The following ACACB variants were observed in gnomAD, a reference collection of about 807,000 sequenced individuals.
ACACB encodes the protein acetyl-CoA carboxylase 2.
ACACB carries 209 observed loss-of-function variants against 278.8 expected under a neutral mutation model. The observed-to-expected ratio is 0.75, with a 90% confidence interval of 0.67 to 0.84. The LOEUF (loss-of-function observed/expected upper bound fraction) is 0.84, where lower values mean the gene tolerates loss of function less well. ACACB is among the 40% of genes least tolerant of loss of function. The pLI is 0.00. For synonymous variants in ACACB, 1,174 were observed against 1,285.6 expected (o/e 0.91, Z 1.86); for missense variants, 2,850 against 3,269.0 (o/e 0.87, Z 3.13).
intron 1 of ACACB, among the ~76,000 whole-genome samples, chr12:109,137,112 C>T (rs762838120): frequency 8.6e-5 from 13 of 151,842 alleles, no homozygotes; most frequent in Non-Finnish European, 1.6e-4. Context: ...GTTTTTTTCC[C>T]TTTGTTCCAT....
At chr12:109,163,337 T>C (rs914883616) in intron 2 of ACACB, among the ~76,000 whole-genome samples, 1 of 152,168 alleles carries the variant, frequency 6.6e-6, no homozygotes, top group Non-Finnish European at 1.5e-5. Flanking sequence ...CTCATTAATA[T>C]CATCGTTGAG....
chr12:109,242,413 T>A (rs2046824833), intron 36 of ACACB, 24 bp from the exon 37 acceptor site: 1 of 1,608,458 alleles, frequency 6.2e-7, no homozygotes, highest in Non-Finnish European at 8.5e-7. Flanking sequence ...TCTCACTCTC[T>A]GTTTTCCCTC....
At chr12:109,238,514 ATATG>A (rs1309407197) in intron 34 of ACACB, among the ~76,000 whole-genome samples, 4 of 144,922 alleles carry the variant, frequency 2.8e-5, no homozygotes, top group African/African-American at 1.0e-4. Flanking sequence ...AATACATATT[ATATG>A]TATTTATATA....
chr12:109,204,028 T>TA (rs960087682), intron 19 of ACACB, among the ~76,000 whole-genome samples: 2 of 151,832 alleles, frequency 1.3e-5, no homozygotes, highest in African/African-American at 2.4e-5. Context: ...TTTTCTTTTT[T>TA]AAAAAAATTA....
intron 24 of ACACB, among the ~76,000 whole-genome samples, chr12:109,217,694 G>C (rs1005015427): frequency 6.6e-6 from 1 of 151,258 alleles, no homozygotes; most frequent in African/African-American, 2.5e-5. Context: ...CAGCTACTCA[G>C]GGGGCTGAGG....
intron 13 of ACACB, among the ~76,000 whole-genome samples, chr12:109,190,651 A>G (rs2044840940): frequency 6.6e-6 from 1 of 151,828 alleles, no homozygotes; most frequent in Non-Finnish European, 1.5e-5. Context: ...TTTAAGAGAT[A>G]GCGTCTCACT....
At position 109,205,389 on chromosome 12, in the gene ACACB, T is replaced by G. The variant is rs371906086; in HGVS notation, c.2914-1321T>G. Among the ~76,000 whole-genome samples the G allele has an allele frequency of 2.0e-5, 3 of 152,006 alleles. No individual in the cohort carries two copies. In the South Asian group the frequency reaches 6.2e-4, roughly 32 times the overall value. On this transcript the variant is annotated intron_variant, in intron 19 of 52. Coordinates refer to ENST00000338432, the MANE Select transcript of ACACB (RefSeq NM_001093.4). ...GTAGTTAGAAGACCGCCCTTGGCCC[T>G]GGGCTGTGGGGACCCACATGGAGAA...
chr12:109,175,808 G>A, intron 7 of ACACB, 123 bp from the exon 8 acceptor site: 1 of 736,386 alleles, frequency 1.4e-6, no homozygotes, highest in Non-Finnish European at 2.3e-6. Context: ...GGGAGTGTCT[G>A]TATTCCGCTG....
At chr12:109,164,267 C>T (rs1270832913) in intron 2 of ACACB, among the ~76,000 whole-genome samples, 1 of 152,204 alleles carries the variant, frequency 6.6e-6, no homozygotes, top group Non-Finnish European at 1.5e-5. Flanking sequence ...GAGTCTCACT[C>T]TGTCGCCCAG....
intron 9 of ACACB, among the ~76,000 whole-genome samples, chr12:109,178,514 T>C (rs1387518635): frequency 6.6e-6 from 1 of 152,232 alleles, no homozygotes; most frequent in Non-Finnish European, 1.5e-5. Context: ...TCTTTAACAG[T>C]GCAATATCTT....
intron 17 of ACACB, among the ~76,000 whole-genome samples, chr12:109,197,610 G>A (rs1171661552): frequency 1.3e-5 from 2 of 152,180 alleles, no homozygotes; most frequent in African/African-American, 4.8e-5. Context: ...TGAACAAACA[G>A]ATAGTGGCAG....
chr12:109,143,793 T>C (rs1031577046), intron 2 of ACACB, among the ~76,000 whole-genome samples: 3 of 152,072 alleles, frequency 2.0e-5, no homozygotes, highest in African/African-American at 7.3e-5. Context: ...GCCTTAGACA[T>C]GTGTGCTGGT....
rs1193901801 is a variant in ACACB at position 109,258,475 on chromosome 12, G to A, written c.6360+111G>A. On this transcript the variant is annotated intron_variant, in intron 46 of 52. Coordinates refer to ENST00000338432, the MANE Select transcript of ACACB (RefSeq NM_001093.4). ...CTGCCAACTTAGGTGGAGAAGCAGG[G>A]GACCCAGTGCAGTCCCTGGCCCTGG... 5 of 837,990 alleles carry A rather than the reference G, an allele frequency of 6.0e-6. No individual in the cohort carries two copies. The African/African-American group carries it at 8.4e-5, about 14-fold the overall frequency. 51.9% of individuals were successfully genotyped at this position (837,990 alleles called of 1,614,324 possible). A position where few individuals can be genotyped will look rare whatever the true frequency, so the allele number is the denominator to read the frequency against.
chr12:109,133,004 TC>T (rs1245743048), intron 1 of ACACB, among the ~76,000 whole-genome samples: 1 of 152,130 alleles, frequency 6.6e-6, no homozygotes, highest in Non-Finnish European at 1.5e-5. Flanking sequence ...CATTGACTCA[TC>T]CACTCACCTT....
At chr12:109,140,696 T>C (rs1354301868) in intron 2 of ACACB, among the ~76,000 whole-genome samples, 1 of 152,024 alleles carries the variant, frequency 6.6e-6, no homozygotes, top group African/African-American at 2.4e-5. Flanking sequence ...CTTGTGCATC[T>C]ACTGCATGCA....
intron 12 of ACACB, among the ~76,000 whole-genome samples, chr12:109,186,864 C>A (rs1022892223): frequency 6.6e-6 from 1 of 152,128 alleles, no homozygotes; most frequent in Non-Finnish European, 1.5e-5. Context: ...ACAGCCCAGG[C>A]ACTTGGGTCG....
At position 109,210,220 on chromosome 12, in the gene ACACB, C is replaced by CGTGTGT. The variant is rs1565927156; in HGVS notation, c.3249+867_3249+868insGTGTGT. On this transcript the variant is annotated intron_variant, in intron 21 of 52. Transcript: ENST00000338432. ...ATATGTATATATGTATATATACACA[C>CGTGTGT]ATGTGTGTATATGTATATATGTATA... 7.8e-4 allele frequency among the ~76,000 whole-genome samples: 24 copies of CGTGTGT among 30,660 alleles called. 5 individuals carry two copies. The highest frequency in any genetic ancestry group is 4.7e-3 in the South Asian group (3 of 644). 20.1% of individuals were successfully genotyped at this position (30,660 alleles called of 152,430 possible).
intron 48 of ACACB, among the ~76,000 whole-genome samples, chr12:109,261,606 C>G (rs949379434): frequency 2.6e-5 from 4 of 152,098 alleles, no homozygotes; most frequent in African/African-American, 4.8e-5. Flanking sequence ...CGTGGTGGCT[C>G]ACGCCTGTAA....
At chr12:109,152,594 A>AC (rs1313908651) in intron 2 of ACACB, among the ~76,000 whole-genome samples, 1 of 143,382 alleles carries the variant, frequency 7.0e-6, no homozygotes, top group Non-Finnish European at 1.5e-5. Flanking sequence ...AGTACTTGGC[A>AC]CCCCCGGGAA....
Sources: gnomAD v4.1 joint callset for allele counts (sites outside exome capture counted in the v4.1 genomes callset) on GRCh38, gnomAD v4.1.1 for gene constraint, MANE v1.5 for transcripts, NCBI Gene and HGNC (gene_info 2026-07-23, HGNC 2026-07-21) for gene names.